Variants in SLC38A8 observed in about 807,000 individuals in gnomAD.
The protein encoded by SLC38A8 is solute carrier family 38 member 8.
In SLC38A8, 65 loss-of-function variants were observed where a neutral mutation model predicts 46.0. That is an observed-to-expected ratio of 1.41 (90% CI 1.16 to 1.74). The LOEUF (loss-of-function observed/expected upper bound fraction) is 1.74. Ranked by LOEUF, SLC38A8 falls within the 40% of genes most tolerant of loss-of-function variation. SLC38A8 has a pLI of 0.00. For missense variants in SLC38A8, 998 were observed against 567.9 expected (o/e 1.76, Z -7.70); for synonymous variants, 447 against 243.7 (o/e 1.83, Z -7.77).
chr16:84,013,007 C>G lies in SLC38A8; in HGVS notation c.1208G>C (p.Arg403Thr), dbSNP rs375620631. ...TCATCTTAGGGACACTTACTTGACT[C>G]TTGGTCCTATAGGCTCGACACCCAT... ...CAMGVEPIGPRVKCCLEVWGV... is the reference protein window; with the variant it reads ...CAMGVEPIGPTVKCCLEVWGV... The change falls in exon 10 of 11, where the codon AGA (arginine) becomes ACA (threonine). Residue 403 changes from arginine (R) to threonine (T), a missense_variant. Physicochemically the swap from Arg to Thr is moderately conservative, Grantham distance 71. Transcript: ENST00000299709. 11 of 1,614,174 alleles carry G rather than the reference C, an allele frequency of 6.8e-6. No homozygotes were observed. The Admixed American group carries it at 1.0e-4, about 15-fold the overall frequency.
chr16:84,037,007 G>T lies in SLC38A8; in HGVS notation c.190-107C>A, dbSNP rs1193409799. 6.0e-6 allele frequency: 7 copies of T among 1,166,896 alleles called. No homozygotes were observed. The Admixed American group carries it at 1.2e-4, about 21-fold the overall frequency. The allele number at this position is 1,166,896 out of a possible 1,614,324, so 72.3% of individuals were successfully genotyped here. A position where few individuals can be genotyped will look rare whatever the true frequency, so the allele number is the denominator to read the frequency against. ...TCCACATGGCTTCTCATCCACAGAGGCCAGGGCTGCTGCCAACATGGGGTT... is the reference window on the plus strand; with the variant it reads ...TCCACATGGCTTCTCATCCACAGAGTCCAGGGCTGCTGCCAACATGGGGTT... On this transcript the variant is annotated intron_variant, in intron 2 of 10. Coordinates refer to ENST00000299709, the MANE Select transcript of SLC38A8 (RefSeq NM_001080442.3).
chr16:84,017,733 G>C (rs914744398), intron 7 of SLC38A8, among the ~76,000 whole-genome samples: 15 of 152,186 alleles, frequency 9.9e-5, no homozygotes, highest in Non-Finnish European at 2.1e-4. Flanking sequence ...AGTTTTCGTG[G>C]ACTGAGGACA....
intron 10 of SLC38A8, among the ~76,000 whole-genome samples, chr16:84,012,339 G>A (rs554940928): frequency 6.6e-6 from 1 of 152,204 alleles, no homozygotes; most frequent in Non-Finnish European, 1.5e-5. Context: ...CAGAGGCTCA[G>A]TCGTGTCTGA....
rs779979743 is a variant in SLC38A8 at position 84,017,137 on chromosome 16, C to A, written c.953+3G>T. On this transcript the variant is annotated splice_donor_region_variant and intron_variant, in intron 8 of 10. Transcript: ENST00000299709. Reference sequence around the variant, plus strand: ...CGGTGCCCCCCACTGAGCCAGGCCTCACCTCCCCAGGAAGAGCACGATGGG... The same window carrying A: ...CGGTGCCCCCCACTGAGCCAGGCCTAACCTCCCCAGGAAGAGCACGATGGG... 1 of 1,613,986 alleles carries A rather than the reference C, an allele frequency of 6.2e-7. No homozygotes were observed. The highest frequency in any genetic ancestry group is 1.1e-5 in the South Asian group (1 of 91,052).
chr16:84,026,183 T>C (rs916679923), intron 6 of SLC38A8, among the ~76,000 whole-genome samples: 4 of 152,138 alleles, frequency 2.6e-5, no homozygotes, highest in Non-Finnish European at 4.4e-5. Flanking sequence ...GGCAGGAGGG[T>C]GCCTCCTTTT....
chr16:84,028,384 C>T (rs1353205751), intron 6 of SLC38A8, among the ~76,000 whole-genome samples: 1 of 151,896 alleles, frequency 6.6e-6, no homozygotes, highest in Non-Finnish European at 1.5e-5. Context: ...AGTTCAAGAC[C>T]AGCCTGGCCA....
intron 2 of SLC38A8, 55 bp downstream of exon 2, chr16:84,041,914 G>A (rs1310471026): frequency 6.7e-7 from 1 of 1,494,168 alleles, no homozygotes; most frequent in African/African-American, 1.4e-5. Flanking sequence ...ACCCCACCCA[G>A]AAAAGCCAAA....
intron 6 of SLC38A8, 102 bp downstream of exon 6, chr16:84,029,392 C>T (rs2085210002): frequency 1.6e-6 from 2 of 1,254,816 alleles, no homozygotes. Context: ...GAGAAGTCCT[C>T]AGACGCCTCC....
chr16:84,011,143 T>C (rs997709769), intron 10 of SLC38A8, among the ~76,000 whole-genome samples: 3 of 152,198 alleles, frequency 2.0e-5, no homozygotes, highest in Non-Finnish European at 4.4e-5. Context: ...TAAACATCCA[T>C]TCATCTGTGC....
chr16:84,025,300 C>G (rs980639934), intron 6 of SLC38A8, among the ~76,000 whole-genome samples: 4 of 152,132 alleles, frequency 2.6e-5, no homozygotes, highest in Non-Finnish European at 4.4e-5. Flanking sequence ...AGGGACCCTA[C>G]GCAGGAAGCT....
At chr16:84,010,461 C>A (rs1313106258) in intron 10 of SLC38A8, among the ~76,000 whole-genome samples, 1 of 152,092 alleles carries the variant, frequency 6.6e-6, no homozygotes, top group African/African-American at 2.4e-5. Context: ...GACATGGGGG[C>A]CAGGCATGGT....
chr16:84,023,608 T>C (rs531865236), intron 6 of SLC38A8, among the ~76,000 whole-genome samples: 1 of 152,100 alleles, frequency 6.6e-6, no homozygotes, highest in Non-Finnish European at 1.5e-5. Context: ...GGAAGCCACA[T>C]AGGTGCCGGG....
intron 9 of SLC38A8, among the ~76,000 whole-genome samples, chr16:84,016,170 G>C (rs2085022536): frequency 6.6e-6 from 1 of 152,212 alleles, no homozygotes; most frequent in Non-Finnish European, 1.5e-5. Flanking sequence ...GATCTCATGA[G>C]ACTTATTCAC....
rs1453967806 is a variant in SLC38A8 at position 84,017,261 on chromosome 16, T to A, written c.832A>T (p.Thr278Ser). Residue 278 changes from threonine (T) to serine (S), a missense_variant, in exon 8 of 11, where the codon ACA becomes TCA. Coordinates refer to ENST00000299709, the MANE Select transcript of SLC38A8 (RefSeq NM_001080442.3). ...TGVYGFLTFG[T>S]EVSADVLMSY... The stretch of plus-strand genomic sequence containing the variant: ...ATCAAGACGTCAGCAGAAACTTCTG[T>A]CCCAAAAGTCAGGAAGCCATAAACC... The A allele has an allele frequency of 6.2e-7, 1 of 1,613,662 alleles. No individual in the cohort carries two copies. Among genetic ancestry groups the A allele is most frequent in the African/African-American group, 1.3e-5 (1 of 74,788 alleles).
At chr16:84,019,824 G>A (rs1228715500) in intron 7 of SLC38A8, among the ~76,000 whole-genome samples, 2 of 152,230 alleles carry the variant, frequency 1.3e-5, no homozygotes, top group African/African-American at 4.8e-5. Flanking sequence ...AAGGAGTAAA[G>A]GCTCTAAGCA....
At chr16:84,016,756 G>C (rs1370119066) in intron 8 of SLC38A8, 29 bp from the exon 9 acceptor site, 1 of 1,597,534 alleles carries the variant, frequency 6.3e-7, no homozygotes, top group African/African-American at 1.3e-5. Flanking sequence ...ACAGACACAT[G>C]GGCATCTCAG....
chr16:84,019,706 G>T lies in SLC38A8; in HGVS notation c.806-2419C>A, dbSNP rs548733262. ...CCAACTCAGAGGTCCAAAGTCCAGA[G>T]TGTGGTCTGTGAGCCTGTGAAATCA... On this transcript the variant is annotated intron_variant, in intron 7 of 10. Transcript: ENST00000299709. Among the ~76,000 whole-genome samples, 7 of 152,200 alleles carry T rather than the reference G, an allele frequency of 4.6e-5. No individual in the cohort carries two copies. In the East Asian group the frequency reaches 1.3e-3, roughly 29 times the overall value.
rs1267369724 is a variant in SLC38A8, at chr16:84,022,855, A to G, written c.725T>C (p.Met242Thr). Reference sequence around the variant, plus strand: ...CCAGTGGGAGAGGCTCCGTTTGCGCATGCTGCAGTAGATGGAGACGGCAGC... The same window carrying G: ...CCAGTGGGAGAGGCTCCGTTTGCGCGTGCTGCAGTAGATGGAGACGGCAGC... Reference protein sequence around the residue: ...HEAAVSIYCSMRKRSLSHWAL... With the variant: ...HEAAVSIYCSTRKRSLSHWAL... Residue 242 changes from methionine (M) to threonine (T), a missense_variant, in exon 7 of 11, where the codon ATG (methionine) becomes ACG (threonine). Physicochemically the swap from Met to Thr is moderately conservative, Grantham distance 81. Coordinates refer to ENST00000299709, the MANE Select transcript of SLC38A8 (RefSeq NM_001080442.3). 2 of 1,610,678 alleles carry G rather than the reference A, an allele frequency of 1.2e-6. No individual in the cohort carries two copies. The highest frequency in any genetic ancestry group is 3.4e-5 in the Admixed American group (2 of 59,274).
chr16:84,026,009 G>GGTCCCC, intron 6 of SLC38A8, among the ~76,000 whole-genome samples: 1 of 152,244 alleles, frequency 6.6e-6, no homozygotes, highest in East Asian at 1.9e-4. Flanking sequence ...TGCCCACAAT[G>GGTCCCC]GGGACCTCCG....
Sources: allele counts gnomAD v4.1 joint callset (sites outside exome capture counted in the v4.1 genomes callset), GRCh38; gene constraint gnomAD v4.1.1; transcripts MANE v1.5; gene names NCBI Gene and HGNC (gene_info 2026-07-23, HGNC 2026-07-21).